The following NSRP1 variants were observed in gnomAD, a reference collection of about 807,000 sequenced individuals.
The protein encoded by NSRP1 is nuclear speckle splicing regulatory protein 1.
Under a neutral mutation model 54.7 loss-of-function variants are expected in NSRP1, and 24 were observed. The ratio of observed to expected loss-of-function variants is 0.44; its 90% CI spans 0.32 to 0.62. The LOEUF (loss-of-function observed/expected upper bound fraction) is 0.62. Among genes scored for constraint, NSRP1 ranks in the 20% least tolerant of loss-of-function variants. The pLI is 0.06. For missense variants in NSRP1, 596 were observed against 651.2 expected, an observed-to-expected ratio of 0.92 and a Z score of 0.92; for synonymous variants, 210 against 213.8, an observed-to-expected ratio of 0.98 and a Z score of 0.15.
At chr17:30,181,398 C>CTTTTT (rs61484398) in intron 6 of NSRP1, among the ~76,000 whole-genome samples, 1 of 121,900 alleles carries the variant, frequency 8.2e-6, no homozygotes, top group African/African-American at 3.1e-5. Context: ...TTTCTTTTTT[C>CTTTTT]TTTTTTTTTT....
intron 2 of NSRP1, among the ~76,000 whole-genome samples, chr17:30,145,122 C>T (rs1255661131): frequency 6.6e-6 from 1 of 152,054 alleles, no homozygotes; most frequent in Admixed American, 6.6e-5. Context: ...TTTTATCTAT[C>T]CCATTCCTTC....
At chr17:30,148,492 C>A (rs1450512454) in intron 2 of NSRP1, among the ~76,000 whole-genome samples, 2 of 152,170 alleles carry the variant, frequency 1.3e-5, no homozygotes, top group African/African-American at 4.8e-5. Flanking sequence ...AGAAGACATG[C>A]CATTTCATTC....
chr17:30,148,605 A>G (rs1436746037), intron 2 of NSRP1, among the ~76,000 whole-genome samples: 2 of 152,168 alleles, frequency 1.3e-5, no homozygotes, highest in Non-Finnish European at 2.9e-5. Context: ...AGGATTGGCT[A>G]GTTTGAATCT....
At chr17:30,165,606 C>T (rs530688484) in intron 2 of NSRP1, among the ~76,000 whole-genome samples, 5 of 152,154 alleles carry the variant, frequency 3.3e-5, no homozygotes, top group Non-Finnish European at 7.4e-5. Context: ...AGAGGATACC[C>T]TCAAAGGAGA....
In NSRP1 at chr17:30,172,564, A is replaced by G; in HGVS notation, c.137A>G (p.Gln46Arg). Residue 46 changes from glutamine to arginine, a missense_variant, in exon 3 of 7, where the codon CAG becomes CGG. Coordinates refer to ENST00000247026, the MANE Select transcript of NSRP1 (RefSeq NM_032141.4). ...DDETSVSESL[Q>R]REAAKKQAMK... Reference sequence around the variant, plus strand: ...CAGACCTCTGTGAGTGAAAGCCTTCAGAGGGAAGCTGCTAAGAAGCAGGCC... The same window carrying G: ...CAGACCTCTGTGAGTGAAAGCCTTCGGAGGGAAGCTGCTAAGAAGCAGGCC... 3 of 1,610,566 alleles carry G rather than the reference A, an allele frequency of 1.9e-6. No individual in the cohort carries two copies. The highest frequency in any genetic ancestry group is 2.5e-6 in the Non-Finnish European group (3 of 1,177,944).
intron 2 of NSRP1, among the ~76,000 whole-genome samples, chr17:30,126,485 C>A (rs1294880452): frequency 2.6e-5 from 4 of 152,190 alleles, no homozygotes; most frequent in African/African-American, 9.6e-5. Context: ...TCTTATTGCA[C>A]TTAGCTTTTA....
At chr17:30,174,707 A>G (rs1905068366) in intron 3 of NSRP1, among the ~76,000 whole-genome samples, 1 of 152,236 alleles carries the variant, frequency 6.6e-6, no homozygotes, top group Non-Finnish European at 1.5e-5. Flanking sequence ...ATGGTGAACT[A>G]CATACAAAAA....
At chr17:30,117,998 T>C in intron 1 of NSRP1, 82 bp from the exon 2 acceptor site, 1 of 1,088,286 alleles carries the variant, frequency 9.2e-7, no homozygotes, top group Admixed American at 1.9e-5. Flanking sequence ...ATTTGGTAGC[T>C]TCATGTGGAA....
At position 30,185,095 on chromosome 17, in the gene NSRP1, G is replaced by A. The variant is rs772732121; in HGVS notation, c.1098G>A (p.Arg366=). The A allele has an allele frequency of 1.9e-6, 3 of 1,613,512 alleles. No individual in the cohort carries two copies. The African/African-American group carries it at 4.0e-5, about 22-fold the overall frequency. The part of the protein sequence containing the change: ...WKRHEQEDKP[R]ARDQRERSDR... ...GGCATGAACAGGAAGATAAACCAAG[G>A]GCGAGGGACCAAAGAGAAAGAAGTG... Residue 366 remains arginine, a synonymous_variant, in exon 7 of 7, where the codon AGG becomes AGA. Coordinates refer to ENST00000247026, the MANE Select transcript of NSRP1 (RefSeq NM_032141.4).
intron 2 of NSRP1, among the ~76,000 whole-genome samples, chr17:30,135,878 A>T (rs970949117): frequency 6.6e-6 from 1 of 151,904 alleles, no homozygotes; most frequent in African/African-American, 2.4e-5. Context: ...AAAACTGCTT[A>T]TTTTATTTTA....
intron 2 of NSRP1, among the ~76,000 whole-genome samples, chr17:30,155,469 G>A (rs1455723266): frequency 6.6e-6 from 1 of 151,988 alleles, no homozygotes; most frequent in Non-Finnish European, 1.5e-5. Flanking sequence ...ATATTTCTTT[G>A]AATCTGTTTA....
At chr17:30,119,223 G>T (rs1005399886) in intron 2 of NSRP1, among the ~76,000 whole-genome samples, 37 of 151,736 alleles carry the variant, frequency 2.4e-4, no homozygotes, top group African/African-American at 9.0e-4. Context: ...CTGAGTAGCT[G>T]GGGTTACAGG....
chr17:30,176,454 C>CAAAAAATT (rs1905128449), intron 3 of NSRP1, among the ~76,000 whole-genome samples: 1 of 151,780 alleles, frequency 6.6e-6, no homozygotes, highest in Non-Finnish European at 1.5e-5. Context: ...ACTAAAAATA[C>CAAAAAATT]AAAAAATTAG....
chr17:30,120,123 T>C (rs186919718), intron 2 of NSRP1, among the ~76,000 whole-genome samples: 134 of 152,256 alleles, frequency 8.8e-4, no homozygotes, highest in African/African-American at 3.1e-3. Flanking sequence ...TGTTACAGAA[T>C]TTCATATAAA....
At chr17:30,136,042 GTC>G (rs1237089176) in intron 2 of NSRP1, among the ~76,000 whole-genome samples, 1 of 151,814 alleles carries the variant, frequency 6.6e-6, no homozygotes, top group African/African-American at 2.4e-5. Context: ...GTGAAACCAC[GTC>G]TCTACTAAAA....
intron 3 of NSRP1, among the ~76,000 whole-genome samples, chr17:30,172,969 T>A (rs1905007052): frequency 6.8e-6 from 1 of 147,892 alleles, no homozygotes; most frequent in South Asian, 2.1e-4. Flanking sequence ...ATATATAGAT[T>A]TTTTTTTTTT....
At chr17:30,181,053 A>C in intron 6 of NSRP1, 37 bp downstream of exon 6, 1 of 1,232,518 alleles carries the variant, frequency 8.1e-7, no homozygotes, top group Non-Finnish European at 1.2e-6. Context: ...GAAGAAAAAT[A>C]CTGTTAATAA....
intron 2 of NSRP1, among the ~76,000 whole-genome samples, chr17:30,165,199 AAGGAGTAGT>A (rs1222916124): frequency 6.6e-6 from 1 of 152,170 alleles, no homozygotes; most frequent in African/African-American, 2.4e-5. Flanking sequence ...ATGGCTTATA[AAGGAGTAGT>A]GCAAGAAGTA....
chr17:30,151,255 A>G (rs1170585551), intron 2 of NSRP1, among the ~76,000 whole-genome samples: 1 of 152,150 alleles, frequency 6.6e-6, no homozygotes, highest in East Asian at 1.9e-4. Context: ...TGCAAGTTCC[A>G]TAACAGATAC....
Sources: allele counts gnomAD v4.1 joint callset (sites outside exome capture counted in the v4.1 genomes callset), GRCh38; gene constraint gnomAD v4.1.1; transcripts MANE v1.5; gene names NCBI Gene and HGNC (gene_info 2026-07-23, HGNC 2026-07-21).